STAG1: variants seen among roughly 807,000 people sequenced by gnomAD.
STAG1 encodes STAG1 cohesin complex component, also known as cohesin subunit SA-1.
In STAG1, 26 loss-of-function variants were observed where a neutral mutation model predicts 170.9. That is an observed-to-expected ratio of 0.15 (90% confidence interval 0.11 to 0.21). The LOEUF is 0.21. STAG1 is among the 10% of genes least tolerant of loss of function. The pLI is 1.00. For missense variants in STAG1, 964 were observed against 1,509.5 expected (o/e 0.64, Z 5.99); for synonymous variants, 514 against 497.7 (o/e 1.03, Z -0.44).
intron 22 of STAG1, among the ~76,000 whole-genome samples, chr3:136,390,051 T>C (rs2086968637): frequency 6.6e-6 from 1 of 152,092 alleles, no homozygotes; most frequent in African/African-American, 2.4e-5. Context: ...CAGGCTGCTC[T>C]TGAACTCCTG....
chr3:136,471,279 T>C (rs1469005509), intron 12 of STAG1, among the ~76,000 whole-genome samples: 1 of 152,108 alleles, frequency 6.6e-6, no homozygotes, highest in Non-Finnish European at 1.5e-5. Context: ...TGATATAACA[T>C]AGCAAAGTAC....
chr3:136,624,885 C>G (rs1287551669), intron 2 of STAG1, among the ~76,000 whole-genome samples: 1 of 152,134 alleles, frequency 6.6e-6, no homozygotes, highest in Non-Finnish European at 1.5e-5. Context: ...GTTTAAATAA[C>G]AACTTCAAGA....
intron 7 of STAG1, among the ~76,000 whole-genome samples, chr3:136,511,906 G>A (rs1214090593): frequency 6.7e-6 from 1 of 148,662 alleles, no homozygotes; most frequent in African/African-American, 2.4e-5. Context: ...GATGAGCAGA[G>A]AGCATTTAAA....
intron 1 of STAG1, among the ~76,000 whole-genome samples, chr3:136,722,148 AG>A (rs1264172912): frequency 4.0e-5 from 6 of 151,680 alleles, no homozygotes; most frequent in African/African-American, 7.3e-5. Context: ...ACCTGAGCCC[AG>A]GAAGTTGAGG....
chr3:136,602,454 C>T (rs1055256180), intron 4 of STAG1, among the ~76,000 whole-genome samples: 2 of 150,724 alleles, frequency 1.3e-5, no homozygotes, highest in African/African-American at 2.4e-5. Context: ...CATAAAAATA[C>T]ATTTCTGTCA....
chr3:136,720,020 T>C (rs1008788251), intron 1 of STAG1, among the ~76,000 whole-genome samples: 8 of 151,250 alleles, frequency 5.3e-5, no homozygotes, highest in African/African-American at 1.9e-4. Context: ...CTAGTGAAAA[T>C]ATAAAATTAG....
chr3:136,408,604 G>A (rs890030292), intron 21 of STAG1, among the ~76,000 whole-genome samples: 4 of 152,134 alleles, frequency 2.6e-5, no homozygotes, highest in Non-Finnish European at 5.9e-5. Flanking sequence ...AAGATATTCA[G>A]AAGGTAGAAT....
rs558489866 is a variant in STAG1, at chr3:136,652,375, C to T, written c.-83-21394G>A. 1.6e-4 allele frequency among the ~76,000 whole-genome samples: 24 copies of T among 152,214 alleles called. No homozygotes were observed. The South Asian group carries it at 5.0e-3, about 32-fold the overall frequency. On this transcript the variant is annotated intron_variant, in intron 1 of 33. Coordinates refer to ENST00000383202, the MANE Select transcript of STAG1 (RefSeq NM_005862.3). ...TCAACAATGAAGTTAAGCATTTTTG[C>T]CTCAAGAACACATTTTAAGTGATAA...
chr3:136,356,055 CTGTT>C (rs1443812696), intron 28 of STAG1, among the ~76,000 whole-genome samples: 1 of 150,740 alleles, frequency 6.6e-6, no homozygotes, highest in African/African-American at 2.4e-5. Context: ...GTTTGTCTGC[CTGTT>C]TTTTTTTTTT....
At chr3:136,680,342 G>C (rs1942292071) in intron 1 of STAG1, among the ~76,000 whole-genome samples, 1 of 152,184 alleles carries the variant, frequency 6.6e-6, no homozygotes, top group East Asian at 1.9e-4. Context: ...GAAAAAGCAA[G>C]TTACAGAAAA....
At chr3:136,547,824 T>C (rs910751693) in intron 5 of STAG1, among the ~76,000 whole-genome samples, 9 of 152,222 alleles carry the variant, frequency 5.9e-5, no homozygotes, top group African/African-American at 2.2e-4. Context: ...CCCTATGTTT[T>C]CTTCTAAGAG....
chr3:136,574,310 A>G (rs1250209988), intron 4 of STAG1, among the ~76,000 whole-genome samples: 2 of 151,612 alleles, frequency 1.3e-5, no homozygotes, highest in Admixed American at 6.6e-5. Flanking sequence ...CAGATAGGCC[A>G]CAATAAAGGA....
At chr3:136,545,585 G>A (rs2107731354) in intron 5 of STAG1, among the ~76,000 whole-genome samples, 1 of 152,168 alleles carries the variant, frequency 6.6e-6, no homozygotes, top group East Asian at 1.9e-4. Context: ...CTACATTTAA[G>A]AGTCTTTTTC....
chr3:136,729,028 CGA>C (rs1933851665), intron 1 of STAG1, among the ~76,000 whole-genome samples: 1 of 152,052 alleles, frequency 6.6e-6, no homozygotes, highest in South Asian at 2.1e-4. Flanking sequence ...ATTGCCCAGG[CGA>C]GAGTGAAAGG....
intron 6 of STAG1, among the ~76,000 whole-genome samples, chr3:136,536,226 C>G (rs1935614470): frequency 6.6e-6 from 1 of 151,988 alleles, no homozygotes; most frequent in Non-Finnish European, 1.5e-5. Flanking sequence ...AAGATTATCC[C>G]AGATTAAGAG....
intron 23 of STAG1, among the ~76,000 whole-genome samples, chr3:136,376,352 T>A (rs1937609929): frequency 6.6e-6 from 1 of 152,160 alleles, no homozygotes; most frequent in Non-Finnish European, 1.5e-5. Context: ...CAAAATCATA[T>A]CATGGAAACA....
chr3:136,737,219 A>C, intron 1 of STAG1: 1 of 665,810 alleles, frequency 1.5e-6, no homozygotes, highest in Non-Finnish European at 2.8e-6. Context: ...CTCTCTCCTG[A>C]AGCCGCCACT....
At chr3:136,666,546 G>A (rs906646921) in intron 1 of STAG1, among the ~76,000 whole-genome samples, 4 of 152,098 alleles carry the variant, frequency 2.6e-5, no homozygotes, top group Non-Finnish European at 4.4e-5. Context: ...GACTGGGCGC[G>A]GTGGCTCACG....
chr3:136,509,129 G>A (rs1049427231), intron 7 of STAG1, among the ~76,000 whole-genome samples: 1 of 152,184 alleles, frequency 6.6e-6, no homozygotes, highest in Non-Finnish European at 1.5e-5. Flanking sequence ...TACAAGCATT[G>A]GCCTTAGAGG....
Sources: allele counts gnomAD v4.1 joint callset (sites outside exome capture counted in the v4.1 genomes callset), GRCh38; gene constraint gnomAD v4.1.1; transcripts MANE v1.5; gene names NCBI Gene and HGNC (gene_info 2026-07-23, HGNC 2026-07-21).